The following UBE2H variants were observed in gnomAD, a reference collection of about 807,000 sequenced individuals.
UBE2H encodes ubiquitin-conjugating enzyme E2 H.
In UBE2H, 3 loss-of-function variants were observed where a neutral mutation model predicts 29.0. The ratio of observed to expected loss-of-function variants is 0.10; its 90% CI spans 0.05 to 0.27. UBE2H has a LOEUF of 0.27. Among genes scored for constraint, UBE2H ranks in the 10% least tolerant of loss-of-function variants. The pLI, the probability that UBE2H is intolerant of heterozygous loss-of-function variation, is 1.00. For synonymous variants in UBE2H, 69 were observed against 82.9 expected, an observed-to-expected ratio of 0.83 and a Z score of 0.91; for missense variants, 68 against 228.2, an observed-to-expected ratio of 0.30 and a Z score of 4.52.
chr7:129,905,265 TAG>T (rs1806792837), intron 1 of UBE2H, among the ~76,000 whole-genome samples: 1 of 151,884 alleles, frequency 6.6e-6, no homozygotes, highest in South Asian at 2.1e-4. Flanking sequence ...TCTTTGTTCA[TAG>T]ACATGAGGTT....
At chr7:129,846,183 T>C (rs1451234188) in intron 5 of UBE2H, among the ~76,000 whole-genome samples, 2 of 152,160 alleles carry the variant, frequency 1.3e-5, no homozygotes, top group Non-Finnish European at 2.9e-5. Flanking sequence ...CCACAAGTTA[T>C]TTCTTTTTCC....
intron 3 of UBE2H, among the ~76,000 whole-genome samples, chr7:129,870,261 C>G (rs1185815991): frequency 6.6e-6 from 1 of 152,180 alleles, no homozygotes; most frequent in Non-Finnish European, 1.5e-5. Flanking sequence ...ACCAAGCTCT[C>G]CCTTTTCTAA....
intron 1 of UBE2H, among the ~76,000 whole-genome samples, chr7:129,923,789 A>T (rs1176610120): frequency 6.6e-6 from 1 of 152,230 alleles, no homozygotes; most frequent in African/African-American, 2.4e-5. Flanking sequence ...GTCTCTCTAG[A>T]TGTATTCCAC....
At chr7:129,904,196 A>G (rs1251261131) in intron 1 of UBE2H, among the ~76,000 whole-genome samples, 1 of 152,056 alleles carries the variant, frequency 6.6e-6, no homozygotes, top group African/African-American at 2.4e-5. Context: ...CTTCCTCCCC[A>G]GGGCCTTTGC....
chr7:129,909,294 G>A (rs1413454834), intron 1 of UBE2H, among the ~76,000 whole-genome samples: 2 of 152,118 alleles, frequency 1.3e-5, no homozygotes, highest in Non-Finnish European at 2.9e-5. Flanking sequence ...GACATTCCCC[G>A]CCCCACTGAT....
chr7:129,913,243 A>G (rs1259051184), intron 1 of UBE2H, among the ~76,000 whole-genome samples: 4 of 141,496 alleles, frequency 2.8e-5, no homozygotes, highest in Non-Finnish European at 6.1e-5. Flanking sequence ...CAAGAGCGAA[A>G]CTCCGTCTCA....
chr7:129,895,134 T>C (rs1806574198), intron 1 of UBE2H, among the ~76,000 whole-genome samples: 1 of 152,190 alleles, frequency 6.6e-6, no homozygotes, highest in Non-Finnish European at 1.5e-5. Flanking sequence ...AACAAAAATC[T>C]TTCCTGGTTA....
At chr7:129,951,505 G>T (rs1252044544) in intron 1 of UBE2H, among the ~76,000 whole-genome samples, 1 of 151,464 alleles carries the variant, frequency 6.6e-6, no homozygotes, top group Non-Finnish European at 1.5e-5. Flanking sequence ...AAAAATTCTC[G>T]ATTTGTCACA....
At chr7:129,869,895 C>T (rs1262685058) in intron 3 of UBE2H, among the ~76,000 whole-genome samples, 1 of 147,378 alleles carries the variant, frequency 6.8e-6, no homozygotes, top group Non-Finnish European at 1.5e-5. Flanking sequence ...CTACAATCTT[C>T]CCTTCCCCTT....
chr7:129,895,320 G>A (rs1806578368), intron 1 of UBE2H, among the ~76,000 whole-genome samples: 1 of 152,156 alleles, frequency 6.6e-6, no homozygotes, highest in Admixed American at 6.5e-5. Flanking sequence ...GTGGAGGGGA[G>A]ACGAAACCAT....
chr7:129,887,823 C>A (rs764273828), intron 1 of UBE2H, among the ~76,000 whole-genome samples: 1 of 152,072 alleles, frequency 6.6e-6, no homozygotes, highest in African/African-American at 2.4e-5. Flanking sequence ...GCCAAAGTTA[C>A]GGTGAGCTGA....
chr7:129,934,942 T>C (rs993530359), intron 1 of UBE2H, among the ~76,000 whole-genome samples: 3 of 149,254 alleles, frequency 2.0e-5, no homozygotes, highest in Non-Finnish European at 3.0e-5. Context: ...TATATATATA[T>C]ATATGTGTGT....
rs1244692907 is a variant in UBE2H, at chr7:129,923,272, T to TA, written c.53+29230dup. Among the ~76,000 whole-genome samples the TA allele has an allele frequency of 1.2e-4, 18 of 152,312 alleles. No homozygotes were observed. In the South Asian group the frequency reaches 3.7e-3, roughly 32 times the overall value. Reference sequence around the variant, plus strand: ...TTATCAACTAACTTCCAAAATAAAATAAAGTTTTACCTGCTTTTCGTAAGT... The same window carrying TA: ...TTATCAACTAACTTCCAAAATAAAATAAAAGTTTTACCTGCTTTTCGTAAGT... On this transcript the variant is annotated intron_variant, in intron 1 of 6. Transcript: ENST00000355621.
At chr7:129,839,962 G>A (rs1281138497) in intron 5 of UBE2H, among the ~76,000 whole-genome samples, 1 of 152,178 alleles carries the variant, frequency 6.6e-6, no homozygotes, top group African/African-American at 2.4e-5. Flanking sequence ...TGCCAGCCTT[G>A]GCCTTCCAAA....
At chr7:129,867,197 G>C (rs1032470592) in intron 3 of UBE2H, among the ~76,000 whole-genome samples, 2 of 152,094 alleles carry the variant, frequency 1.3e-5, no homozygotes, top group Admixed American at 6.5e-5. Context: ...AGGAGGTCCT[G>C]AGAACATGTG....
intron 6 of UBE2H, among the ~76,000 whole-genome samples, chr7:129,835,889 C>G (rs992198907): frequency 3.3e-5 from 5 of 152,170 alleles, no homozygotes; most frequent in Admixed American, 2.0e-4. Context: ...GTTGCGGGGA[C>G]TCACTGCAAT....
At chr7:129,927,196 T>C (rs1298634805) in intron 1 of UBE2H, among the ~76,000 whole-genome samples, 6 of 152,196 alleles carry the variant, frequency 3.9e-5, no homozygotes, top group Non-Finnish European at 1.5e-5. Context: ...CACTAAAATG[T>C]TAATAATAGA....
intron 1 of UBE2H, among the ~76,000 whole-genome samples, chr7:129,923,043 G>A (rs1199478933): frequency 6.6e-6 from 1 of 152,006 alleles, no homozygotes; most frequent in Non-Finnish European, 1.5e-5. Context: ...TGGGATTACA[G>A]GCACCCGCCA....
At chr7:129,882,497 G>A (rs1806275437) in intron 1 of UBE2H, among the ~76,000 whole-genome samples, 1 of 152,222 alleles carries the variant, frequency 6.6e-6, no homozygotes, top group African/African-American at 2.4e-5. Flanking sequence ...AAGAGGCCAG[G>A]TGTAATTTTG....
Sources: allele counts gnomAD v4.1 joint callset (sites outside exome capture counted in the v4.1 genomes callset), GRCh38; gene constraint gnomAD v4.1.1; transcripts MANE v1.5; gene names NCBI Gene and HGNC (gene_info 2026-07-23, HGNC 2026-07-21).